The following GCNA variants were observed in gnomAD, a reference collection of about 807,000 sequenced individuals.
The protein encoded by GCNA is germ cell nuclear acidic peptidase, also known as germ cell nuclear acidic protein.
GCNA carries 3 observed loss-of-function variants against 38.8 expected under a neutral mutation model. The observed-to-expected ratio is 0.08, with a 90% confidence interval of 0.04 to 0.20. GCNA has a LOEUF of 0.20. GCNA is among the 10% of genes least tolerant of loss of function. The pLI, the probability that GCNA is intolerant of heterozygous loss-of-function variation, is 1.00. For missense variants in GCNA, 446 were observed against 578.6 expected (o/e 0.77, Z 2.35); for synonymous variants, 195 against 240.2 (o/e 0.81, Z 1.74).
intron 2 of GCNA, among the ~76,000 whole-genome samples, chrX:71,590,336 C>G (rs1202935871): frequency 1.8e-5 from 2 of 111,366 alleles, no homozygotes; most frequent in Non-Finnish European, 3.8e-5. Context: ...TTCCTTTTGC[C>G]TGACCTCTCA....
chrX:71,603,701 A>C lies in GCNA; in HGVS notation c.424A>C (p.Asn142His). Residue 142 changes from asparagine (N) to histidine (H), a missense_variant, in exon 8 of 13, where the codon AAC (asparagine) becomes CAC (histidine). By Grantham distance (68) the Asn-to-His change is moderately conservative. Around this residue, in one of 7 missense-constraint regions of GCNA, gnomAD observed 118 missense variants for 122.8 expected, o/e 0.96. Transcript: ENST00000373696. ...TAATGATTTGGAAGTTCCCGACGACAACAGTGATGATTCAGAAGCTCCCGA... is the reference window on the plus strand; with the variant it reads ...TAATGATTTGGAAGTTCCCGACGACCACAGTGATGATTCAGAAGCTCCCGA... The part of the protein sequence containing the change: ...NGNDLEVPDD[N>H]SDDSEAPDDN... 1 of 1,212,072 alleles carries C rather than the reference A, an allele frequency of 8.3e-7. No homozygotes were observed. The highest frequency in any genetic ancestry group is 1.1e-6 in the Non-Finnish European group (1 of 895,588).
Position 71,584,691 on chromosome X carries a change from C to T in GCNA, c.59+3811C>T, listed in dbSNP as rs942367081. ...CATCCTGGCTAACACAGTGAAACTC[C>T]ATCTCTAGTAAAAATACAAAAACAA... On this transcript the variant is annotated intron_variant, in intron 2 of 12. Coordinates refer to ENST00000373696, the MANE Select transcript of GCNA (RefSeq NM_052957.5). Among the ~76,000 whole-genome samples the T allele has an allele frequency of 1.9e-4, 21 of 110,376 alleles. No individual in the cohort carries two copies. In the East Asian group the frequency reaches 4.4e-3, roughly 23 times the overall value.
intron 6 of GCNA, among the ~76,000 whole-genome samples, chrX:71,596,849 C>A (rs1428658484): frequency 8.9e-6 from 1 of 111,831 alleles, no homozygotes; most frequent in African/African-American, 3.3e-5. Context: ...GCCTGCTGGT[C>A]AGGACAGACA....
intron 10 of GCNA, among the ~76,000 whole-genome samples, chrX:71,610,333 G>A (rs1216590142): frequency 8.9e-6 from 1 of 112,046 alleles, no homozygotes; most frequent in Admixed American, 9.5e-5. Flanking sequence ...TGCTTTCTGG[G>A]CCCGGCGTGG....
chrX:71,597,960 G>C lies in GCNA; in HGVS notation c.232G>C (p.Val78Leu), dbSNP rs766458682. The change falls in exon 7 of 13, where the codon GTG (valine) becomes CTG (leucine). Residue 78 changes from valine (V) to leucine (L), a missense_variant. Around this residue, in one of 7 missense-constraint regions of GCNA, gnomAD observed 25 missense variants for 52.8 expected, o/e 0.47. Coordinates refer to ENST00000373696, the MANE Select transcript of GCNA (RefSeq NM_052957.5). ...APKRQASSVV[V>L]IDSDSDEECH... ...TGTTTCATCACTCAGCTCCGTGGTA[G>C]TGATTGACTCTGATTCTGATGAGGA... 59 of 1,206,862 alleles carry C rather than the reference G, an allele frequency of 4.9e-5. No homozygotes were observed. In the Admixed American group the frequency reaches 1.3e-3, roughly 26 times the overall value.
chrX:71,598,004 G>T lies in GCNA; in HGVS notation c.276G>T (p.Glu92Asp), dbSNP rs1199946920. ...ATGAGGAATGTCACACCCATGAAGA[G>T]AAGAAAGCTAAGTTATTGGAAATAA... ...DSDEECHTHE[E>D]KKAKLLEINS... is the part of the protein sequence containing the mutation. The change falls in exon 7 of 13, where the codon GAG becomes GAT. Residue 92 changes from glutamate to aspartate, a missense_variant. Physicochemically the swap from Glu to Asp is conservative, Grantham distance 45. Coordinates refer to ENST00000373696, the MANE Select transcript of GCNA (RefSeq NM_052957.5). The T allele has an allele frequency of 1.1e-5, 13 of 1,208,997 alleles. No individual in the cohort carries two copies. Among genetic ancestry groups the T allele is most frequent in the Non-Finnish European group, 1.3e-5 (12 of 893,917 alleles).
chrX:71,579,305 C>T (rs1406664911), intron 1 of GCNA, among the ~76,000 whole-genome samples: 1 of 80,234 alleles, frequency 1.2e-5, no homozygotes, highest in Non-Finnish European at 2.4e-5. Flanking sequence ...CCTAGGAGTA[C>T]TTGGTGGCGT....
intron 2 of GCNA, among the ~76,000 whole-genome samples, chrX:71,581,324 G>A (rs1219081609): frequency 8.9e-6 from 1 of 112,008 alleles, no homozygotes; most frequent in African/African-American, 3.2e-5. Flanking sequence ...CTTCCAACAT[G>A]AGGTATTTTT....
chrX:71,584,635 C>T (rs1238029446), intron 2 of GCNA, among the ~76,000 whole-genome samples: 4 of 110,812 alleles, frequency 3.6e-5, no homozygotes, highest in Admixed American at 9.5e-5. Context: ...GAGGCCGAGG[C>T]GGGCGGATCA....
chrX:71,610,971 A>G (rs2040806088), intron 11 of GCNA, 152 bp downstream of exon 11: 1 of 752,126 alleles, frequency 1.3e-6, no homozygotes, highest in African/African-American at 2.1e-5. Flanking sequence ...GGACATAGTT[A>G]TTGGATGTCT....
chrX:71,612,682 G>T, intron 12 of GCNA, 123 bp downstream of exon 12: 1 of 897,560 alleles, frequency 1.1e-6, no homozygotes, highest in Non-Finnish European at 1.5e-6. Flanking sequence ...TCCTTTCCAC[G>T]TTCTCTTTCT....
At chrX:71,605,780 C>A in intron 9 of GCNA, 51 bp downstream of exon 9, 1 of 1,085,108 alleles carries the variant, frequency 9.2e-7, no homozygotes, top group Non-Finnish European at 1.3e-6. Context: ...ACAGCCGTCA[C>A]ACTGGGCAGT....
chrX:71,613,251 T>A lies in GCNA; in HGVS notation c.*269T>A, dbSNP rs1360724586. 2.0e-5 allele frequency: 6 copies of A among 299,098 alleles called. No individual in the cohort carries two copies. Among genetic ancestry groups the A allele is most frequent in the African/African-American group, 1.6e-4 (6 of 37,837 alleles). The allele number at this position is 299,098 out of a possible 1,213,427, so 24.6% of individuals were successfully genotyped here. A position where few individuals can be genotyped will look rare whatever the true frequency, so the allele number is the denominator to read the frequency against. ...TAAGATTCATGTTATTAACGATGAT[T>A]GACCTTAAATAGGGACTCTATTGCT... On this transcript the variant is annotated 3_prime_UTR_variant, in exon 13 of 13. Coordinates refer to ENST00000373696, the MANE Select transcript of GCNA (RefSeq NM_052957.5).
chrX:71,581,914 T>C (rs1219514370), intron 2 of GCNA, among the ~76,000 whole-genome samples: 1 of 109,766 alleles, frequency 9.1e-6, no homozygotes, highest in African/African-American at 3.3e-5. Flanking sequence ...AAATCAGTAA[T>C]TTAGAAAAAG....
intron 4 of GCNA, among the ~76,000 whole-genome samples, chrX:71,593,685 A>G (rs1306497597): frequency 1.0e-4 from 10 of 99,508 alleles, no homozygotes; most frequent in Non-Finnish European, 1.8e-4. Context: ...GTAGTTGTCC[A>G]TTTACCTAGA....
At chrX:71,612,307 AAG>A in intron 11 of GCNA, 46 bp from the exon 12 acceptor site, 4 of 808,252 alleles carry the variant, frequency 4.9e-6, no homozygotes, top group African/African-American at 2.2e-5. Context: ...AAAAAAAAAA[AAG>A]AGGATTGGTT....
intron 9 of GCNA, 70 bp downstream of exon 9, chrX:71,605,799 C>A: frequency 1.0e-6 from 1 of 959,760 alleles, no homozygotes. Context: ...GTCCACTGGG[C>A]ACTTGGGTGG....
Position 71,605,657 on chromosome X carries a change from G to C in GCNA, c.1400-6G>C, listed in dbSNP as rs1569441416. On this transcript the variant is annotated splice_polypyrimidine_tract_variant and splice_region_variant and intron_variant, in intron 8 of 12. Transcript: ENST00000373696. Reference sequence around the variant, plus strand: ...AAGTAACCTATTATTTTTTCATCTGGTAAAGGACATAAGAAGCGTGGGCCT... The same window carrying C: ...AAGTAACCTATTATTTTTTCATCTGCTAAAGGACATAAGAAGCGTGGGCCT... 1 of 1,205,095 alleles carries C rather than the reference G, an allele frequency of 8.3e-7. No homozygotes were observed. Among genetic ancestry groups the C allele is most frequent in the South Asian group, 1.8e-5 (1 of 56,125 alleles).
In GCNA at chrX:71,590,991, A is replaced by G. The variant is rs187818117; in HGVS notation, c.60-1131A>G. ...AGCCACCGTGCCCAGCTGAAGTCTA[A>G]CTTTTAATATGTAGAGCCTGGACTT... On this transcript the variant is annotated intron_variant, in intron 2 of 12. Coordinates refer to ENST00000373696, the MANE Select transcript of GCNA (RefSeq NM_052957.5). Among the ~76,000 whole-genome samples the G allele has an allele frequency of 9.9e-5, 11 of 111,616 alleles. No homozygotes were observed. In the East Asian group the frequency reaches 3.1e-3, roughly 31 times the overall value.
Sources: allele counts gnomAD v4.1 joint callset (sites outside exome capture counted in the v4.1 genomes callset), GRCh38; gene constraint gnomAD v4.1.1; regional missense constraint gnomAD v4.1.1; transcripts MANE v1.5; gene names NCBI Gene and HGNC (gene_info 2026-07-23, HGNC 2026-07-21).